TCP11L1: variants seen among roughly 807,000 people sequenced by gnomAD.
TCP11L1 encodes the protein t-complex 11 like 1.
TCP11L1 carries 28 observed loss-of-function variants against 48.9 expected under a neutral mutation model. The observed-to-expected ratio is 0.57, with a 90% CI of 0.42 to 0.78. The LOEUF (loss-of-function observed/expected upper bound fraction) is 0.78, where lower values mean the gene tolerates loss of function less well. TCP11L1 is among the 30% of genes least tolerant of loss of function. The pLI is 0.00. For missense variants in TCP11L1, 505 were observed against 613.4 expected (o/e 0.82, Z 1.87); for synonymous variants, 204 against 231.9 (o/e 0.88, Z 1.09).
At chr11:33,058,239 C>CTCAA in intron 5 of TCP11L1, 100 bp downstream of exon 5, 1 of 1,169,786 alleles carries the variant, frequency 8.5e-7, no homozygotes, top group Non-Finnish European at 1.2e-6. Flanking sequence ...CACTCTGTTG[C>CTCAA]AAAGGCTGGA....
chr11:33,073,365 C>G lies in TCP11L1; in HGVS notation c.*689C>G, dbSNP rs1854852593. 6.6e-6 allele frequency: 1 copy of G among 150,386 alleles called. No homozygotes were observed. Among genetic ancestry groups the G allele is most frequent in the Non-Finnish European group, 1.5e-5 (1 of 67,126 alleles). The allele number at this position is 150,386 out of a possible 1,614,324, so 9.3% of individuals were successfully genotyped here. On this transcript the variant is annotated 3_prime_UTR_variant, in exon 10 of 10. Coordinates refer to ENST00000334274, the MANE Select transcript of TCP11L1 (RefSeq NM_018393.4). ...CTTTTATACAAAATTACTCCTGCAT[C>G]TGGTTGAGAGCAGTTATGACTTATG...
intron 7 of TCP11L1, 25 bp from the exon 8 acceptor site, chr11:33,065,805 C>T (rs1184774636): frequency 6.2e-7 from 1 of 1,600,726 alleles, no homozygotes; most frequent in East Asian, 2.2e-5. Flanking sequence ...TGCAGCTCAG[C>T]GATGGCCTCT....
intron 2 of TCP11L1, among the ~76,000 whole-genome samples, chr11:33,045,131 G>A (rs936812572): frequency 1.3e-5 from 2 of 152,026 alleles, no homozygotes; most frequent in African/African-American, 2.4e-5. Context: ...GAGGCAGGAA[G>A]ATCACTTGAG....
chr11:33,043,945 A>G lies in TCP11L1; in HGVS notation c.163+9A>G. On this transcript the variant is annotated intron_variant, in intron 2 of 9. Coordinates refer to ENST00000334274, the MANE Select transcript of TCP11L1 (RefSeq NM_018393.4). ...AGTGCAGAGACCTCACTGTAAGCAA[A>G]TTTGACTTTGGTTAGATGCAATATT... is the stretch of plus-strand genomic sequence containing the variant. 1 of 1,582,696 alleles carries G rather than the reference A, an allele frequency of 6.3e-7. No individual in the cohort carries two copies. The highest frequency in any genetic ancestry group is 1.2e-5 in the South Asian group (1 of 85,206).
chr11:33,065,341 G>A (rs1854583471), intron 7 of TCP11L1, among the ~76,000 whole-genome samples: 1 of 152,106 alleles, frequency 6.6e-6, no homozygotes, highest in African/African-American at 2.4e-5. Flanking sequence ...TCAGCTCACT[G>A]CAACCTCTGC....
chr11:33,067,917 A>T (rs1854665244), intron 8 of TCP11L1, among the ~76,000 whole-genome samples: 1 of 151,292 alleles, frequency 6.6e-6, no homozygotes, highest in Non-Finnish European at 1.5e-5. Context: ...AAAATTTTTT[A>T]ATTTTTATAT....
intron 2 of TCP11L1, among the ~76,000 whole-genome samples, chr11:33,048,519 G>A (rs1998157): frequency 0.41 from 62,442 of 152,024 alleles, 13,051 homozygotes; most frequent in African/African-American, 0.48. Flanking sequence ...TAATTCCTCT[G>A]TATGTACATC....
chr11:33,073,448 T>C lies in TCP11L1; in HGVS notation c.*772T>C, dbSNP rs1338684917. ...AGCCTTGAAAGTCAAGGAGGAAATG[T>C]ATTGAAAAATAGTTTACTGTAATGT... On this transcript the variant is annotated 3_prime_UTR_variant, in exon 10 of 10. Coordinates refer to ENST00000334274, the MANE Select transcript of TCP11L1 (RefSeq NM_018393.4). 2 of 146,632 alleles carry C rather than the reference T, an allele frequency of 1.4e-5. No individual in the cohort carries two copies. The highest frequency in any genetic ancestry group is 4.9e-5 in the African/African-American group (2 of 41,042). The allele number at this position is 146,632 out of a possible 1,614,324, so 9.1% of individuals were successfully genotyped here. A position where few individuals can be genotyped will look rare whatever the true frequency, so the allele number is the denominator to read the frequency against.
chr11:33,056,132 C>T (rs950476450), intron 3 of TCP11L1, among the ~76,000 whole-genome samples: 6 of 151,910 alleles, frequency 3.9e-5, no homozygotes, highest in African/African-American at 1.5e-4. Flanking sequence ...TTTTTTGAGA[C>T]GGAATCTTGC....
At chr11:33,054,480 T>C (rs1854253350) in intron 2 of TCP11L1, 113 bp from the exon 3 acceptor site, 1 of 1,314,826 alleles carries the variant, frequency 7.6e-7, no homozygotes, top group African/African-American at 1.5e-5. Context: ...AACAAACATT[T>C]TAATAGACGC....
In TCP11L1 at chr11:33,073,382, T is replaced by A. The variant is rs912322398; in HGVS notation, c.*706T>A. On this transcript the variant is annotated 3_prime_UTR_variant, in exon 10 of 10. Transcript: ENST00000334274. ...TCCTGCATCTGGTTGAGAGCAGTTA[T>A]GACTTATGAGATCTAGTGAAAGGAA... 3.4e-5 allele frequency: 5 copies of A among 147,860 alleles called. No individual in the cohort carries two copies. The highest frequency in any genetic ancestry group is 4.9e-5 in the African/African-American group (2 of 41,070). The allele number at this position is 147,860 out of a possible 1,614,324, so 9.2% of individuals were successfully genotyped here. A position where few individuals can be genotyped will look rare whatever the true frequency, so the allele number is the denominator to read the frequency against.
intron 4 of TCP11L1, 151 bp from the exon 5 acceptor site, chr11:33,057,768 A>G (rs2273547): frequency 0.17 from 111,896 of 676,680 alleles, 10,374 homozygotes; most frequent in East Asian, 0.3. Flanking sequence ...ATTTGTAAAC[A>G]TGTTTTTCTG....
At chr11:33,043,724 T>C (rs1358062167) in intron 1 of TCP11L1, 26 bp from the exon 2 acceptor site, 2 of 1,466,330 alleles carry the variant, frequency 1.4e-6, no homozygotes, top group Non-Finnish European at 9.2e-7. Flanking sequence ...CTTTTAGTTC[T>C]TTTTTTTTGT....
rs914245710 is a variant in TCP11L1, at chr11:33,065,774, C to T, written c.973-56C>T. The stretch of plus-strand genomic sequence containing the variant: ...GTGTGGGGGCTGTGGCGCTCCCGCC[C>T]TCTGCTGGCCAACCTGGACCTGCAG... On this transcript the variant is annotated intron_variant, in intron 7 of 9. Transcript: ENST00000334274. The T allele has an allele frequency of 3.7e-5, 58 of 1,576,218 alleles. No individual in the cohort carries two copies. In the African/African-American group the frequency reaches 7.4e-4, roughly 20 times the overall value.
chr11:33,070,391 T>G (rs1854746677), intron 9 of TCP11L1, among the ~76,000 whole-genome samples: 1 of 152,130 alleles, frequency 6.6e-6, no homozygotes. Flanking sequence ...CCAAACTAAC[T>G]TAAGAATAAG....
intron 2 of TCP11L1, among the ~76,000 whole-genome samples, chr11:33,050,931 A>G (rs1854142956): frequency 6.6e-6 from 1 of 151,792 alleles, no homozygotes; most frequent in Non-Finnish European, 1.5e-5. Flanking sequence ...TTCCCGTCTC[A>G]GCCTCCTGAG....
chr11:33,049,957 T>C (rs1854110618), intron 2 of TCP11L1, among the ~76,000 whole-genome samples: 1 of 152,198 alleles, frequency 6.6e-6, no homozygotes, highest in African/African-American at 2.4e-5. Context: ...AATACCTGGC[T>C]TTCCTAGGCA....
chr11:33,044,101 C>G, intron 2 of TCP11L1, 165 bp downstream of exon 2: 2 of 609,790 alleles, frequency 3.3e-6, no homozygotes, highest in Non-Finnish European at 5.2e-6. Flanking sequence ...AGCCTAGCTA[C>G]TTGTGGATTT....
chr11:33,068,723 G>A lies in TCP11L1; in HGVS notation c.1191G>A (p.Gly397=). ...FHLKDVLTTI[G]EKVCLEVSSC... ...TGAAGGACGTCCTCACTACCATCGG[G>A]GAGAAGGTGTGCCTGGAGGTGAGCA... The change falls in exon 9 of 10, where the codon GGG becomes GGA. Residue 397 remains glycine (G), a synonymous_variant. Transcript: ENST00000334274. 2 of 1,614,118 alleles carry A rather than the reference G, an allele frequency of 1.2e-6. No individual in the cohort carries two copies. Among genetic ancestry groups the A allele is most frequent in the Admixed American group, 1.7e-5 (1 of 60,006 alleles).
Sources: gnomAD v4.1 joint callset for allele counts (sites outside exome capture counted in the v4.1 genomes callset) on GRCh38, gnomAD v4.1.1 for gene constraint, MANE v1.5 for transcripts, NCBI Gene and HGNC (gene_info 2026-07-23, HGNC 2026-07-21) for gene names.